Variants in ZBTB37 observed in about 807,000 individuals in gnomAD.
The protein encoded by ZBTB37 is zinc finger and BTB domain containing 37.
Under a neutral mutation model 37.7 loss-of-function variants are expected in ZBTB37, and 15 were observed. The observed-to-expected ratio is 0.40, with a 90% CI of 0.27 to 0.61. The LOEUF is 0.61. Among genes scored for constraint, ZBTB37 ranks in the 20% least tolerant of loss-of-function variants. The pLI is 0.44. For missense variants in ZBTB37, 514 were observed against 641.9 expected (o/e 0.80, Z 2.15); for synonymous variants, 231 against 220.6 (o/e 1.05, Z -0.42).
chr1:173,901,795 C>G (rs891719720), exon 4 of ZBTB37: 2 of 152,192 alleles, frequency 1.3e-5, no homozygotes, highest in Non-Finnish European at 2.9e-5. Context: ...TCTGCTCTGC[C>G]TCTGAAAGGA....
At chr1:173,900,862 A>G (rs966334603) in exon 4 of ZBTB37, 2 of 152,252 alleles carry the variant, frequency 1.3e-5, no homozygotes, top group African/African-American at 4.8e-5. Context: ...GAGACTCCAA[A>G]GAGAGTAGCC....
chr1:173,880,768 C>T (rs1656252415), intron 4 of ZBTB37, among the ~76,000 whole-genome samples: 1 of 152,164 alleles, frequency 6.6e-6, no homozygotes, highest in South Asian at 2.1e-4. Flanking sequence ...ACCCAATCTG[C>T]ATTTTGTGGT....
chr1:173,885,524 C>T, intron 4 of ZBTB37, 112 bp from the exon 5 acceptor site: 2 of 908,228 alleles, frequency 2.2e-6, no homozygotes, highest in South Asian at 2.0e-5. Context: ...TTTGATCCGC[C>T]ACTAAAAAGG....
chr1:173,878,826 A>G (rs1408702027), intron 4 of ZBTB37, among the ~76,000 whole-genome samples: 1 of 152,132 alleles, frequency 6.6e-6, no homozygotes, highest in Non-Finnish European at 1.5e-5. Context: ...GCTCATGCCT[A>G]TAATCCCAGC....
At chr1:173,881,157 A>T (rs966991022) in intron 4 of ZBTB37, among the ~76,000 whole-genome samples, 1 of 139,820 alleles carries the variant, frequency 7.2e-6, no homozygotes, top group African/African-American at 2.7e-5. Flanking sequence ...CCCTGTGTCC[A>T]AGTGTTCTCA....
chr1:173,870,055 A>G, intron 2 of ZBTB37, 145 bp from the exon 3 acceptor site: 1 of 576,826 alleles, frequency 1.7e-6, no homozygotes, highest in Non-Finnish European at 2.9e-6. Flanking sequence ...TTCTGTTTCC[A>G]CATCTAAATA....
chr1:173,879,449 A>T (rs1298302006), intron 4 of ZBTB37, among the ~76,000 whole-genome samples: 1 of 152,158 alleles, frequency 6.6e-6, no homozygotes, highest in East Asian at 1.9e-4. Context: ...ACAAATTTTT[A>T]GGACAGAAGA....
exon 3 of ZBTB37, chr1:173,870,861 T>A (rs1655508409): frequency 6.2e-7 from 1 of 1,614,078 alleles, no homozygotes; most frequent in Non-Finnish European, 8.5e-7. Context: ...AGCCCATTCT[T>A]CGGATCAACC....
At chr1:173,902,505 G>A (rs1657303684) in exon 4 of ZBTB37, 3 of 152,162 alleles carry the variant, frequency 2.0e-5, no homozygotes, top group Non-Finnish European at 2.9e-5. Flanking sequence ...AAGATGCCTC[G>A]GGAAAGTCAG....
chr1:173,883,038 A>G (rs1390601162), intron 4 of ZBTB37, among the ~76,000 whole-genome samples: 2 of 152,200 alleles, frequency 1.3e-5, no homozygotes, highest in Non-Finnish European at 2.9e-5. Flanking sequence ...AGAAGTGTTA[A>G]CTAACCTGCT....
At chr1:173,899,846 G>A (rs2102767848) in exon 4 of ZBTB37, 1 of 152,274 alleles carries the variant, frequency 6.6e-6, no homozygotes, top group East Asian at 1.9e-4. Context: ...TAGTAAAATG[G>A]ATCATCCATT....
chr1:173,869,058 G>A (rs1317864268), exon 2 of ZBTB37: 2 of 152,626 alleles, frequency 1.3e-5, no homozygotes, highest in Admixed American at 1.3e-4. Flanking sequence ...ATTCATGATG[G>A]CATCGACAGA....
exon 4 of ZBTB37, chr1:173,873,497 G>A (rs747749968): frequency 1.9e-6 from 3 of 1,613,586 alleles, no homozygotes; most frequent in Admixed American, 3.3e-5. Flanking sequence ...TTGTTCCCTT[G>A]ACAGAGAGAC....
At chr1:173,890,401 AG>A (rs1174481253), downstream of ZBTB37, 1 of 152,160 alleles carries the variant, frequency 6.6e-6, no homozygotes, top group East Asian at 1.9e-4. Context: ...GAATCCTGGA[AG>A]TTTTTCTTTT....
exon 4 of ZBTB37, chr1:173,898,791 T>A (rs1277279486): frequency 1.3e-5 from 2 of 152,216 alleles, no homozygotes; most frequent in Non-Finnish European, 2.9e-5. Context: ...CAAGTCAACT[T>A]GTCCACTTTT....
At chr1:173,879,600 T>C (rs556339705) in intron 4 of ZBTB37, among the ~76,000 whole-genome samples, 1 of 152,268 alleles carries the variant, frequency 6.6e-6, no homozygotes, top group South Asian at 2.1e-4. Flanking sequence ...ATGTTTTGGC[T>C]ATTTTTCTCT....
At chr1:173,890,944 C>CA (rs1390378415), downstream of ZBTB37, 2 of 152,178 alleles carry the variant, frequency 1.3e-5, no homozygotes, top group African/African-American at 4.8e-5. Flanking sequence ...TTACTCATGA[C>CA]ATTTTGCCTT....
chr1:173,885,734 C>T (rs1481696427), exon 5 of ZBTB37: 2 of 1,551,756 alleles, frequency 1.3e-6, no homozygotes, highest in Admixed American at 2.0e-5. Context: ...CTCGTCTCAC[C>T]TGCATCTATT....
At chr1:173,875,279 T>C (rs539402023) in intron 4 of ZBTB37, among the ~76,000 whole-genome samples, 94 of 151,086 alleles carry the variant, frequency 6.2e-4, no homozygotes, top group African/African-American at 2.1e-3. Context: ...GTTATGAAGT[T>C]ACTAATTTGT....
Sources: gnomAD v4.1 joint callset for allele counts (sites outside exome capture counted in the v4.1 genomes callset) on GRCh38, gnomAD v4.1.1 for gene constraint, MANE v1.5 for transcripts, NCBI Gene and HGNC (gene_info 2026-07-23, HGNC 2026-07-21) for gene names.